BCL9L: variants seen among roughly 807,000 people sequenced by gnomAD.
BCL9L encodes the protein B-cell CLL/lymphoma 9-like protein.
BCL9L carries 19 observed loss-of-function variants against 99.4 expected under a neutral mutation model. The ratio of observed to expected loss-of-function variants is 0.19; its 90% CI spans 0.13 to 0.28. BCL9L has a LOEUF of 0.28. Among genes scored for constraint, BCL9L ranks in the 10% least tolerant of loss-of-function variants. The pLI, the probability that BCL9L is intolerant of heterozygous loss-of-function variation, is 1.00. For missense variants in BCL9L, 2,023 were observed against 2,101.6 expected, an observed-to-expected ratio of 0.96 and a Z score of 0.73; for synonymous variants, 900 against 854.8, an observed-to-expected ratio of 1.05 and a Z score of -0.92.
At chr11:118,912,501 C>G (rs1321984830) in intron 2 of BCL9L, among the ~76,000 whole-genome samples, 1 of 152,130 alleles carries the variant, frequency 6.6e-6, no homozygotes, top group African/African-American at 2.4e-5. Context: ...CCCCGAGTGA[C>G]GCGAGGGTAG....
Position 118,900,656 on chromosome 11 carries a change from G to A in BCL9L, c.3087C>T (p.Asn1029=), listed in dbSNP as rs1462964355. The A allele has an allele frequency of 6.2e-7, 1 of 1,612,784 alleles. No homozygotes were observed. Among genetic ancestry groups the A allele is most frequent in the Non-Finnish European group, 8.5e-7 (1 of 1,179,420 alleles). The change falls in exon 8 of 10, where the codon AAC becomes AAT. Residue 1029 remains asparagine (N), a synonymous_variant. Coordinates refer to ENST00000683865, the MANE Select transcript of BCL9L (RefSeq NM_001378213.1). The surrounding 1 kb of genome is among the most constrained non-coding windows in gnomAD (Gnocchi z 5.3). The part of the protein sequence containing the change: ...GVSQNKQPPL[N]MNSSTTLSNM... The stretch of plus-strand genomic sequence containing the variant: ...TGCTCAGGGTGGTGGAAGAGTTCAT[G>A]TTGAGAGGCGGCTGCTTGTTCTGGG...
At position 118,898,304 on chromosome 11, in the gene BCL9L, A is replaced by ACCCCCCCCCCCCCCCCC; in HGVS notation, c.*110_*111insGGGGGGGGGGGGGGGGG. On this transcript the variant is annotated 3_prime_UTR_variant, in exon 10 of 10. Transcript: ENST00000683865. ...CCACTCCCTACACAAGCCCCCTCCC[A>ACCCCCCCCCCCCCCCCC]CCCCCTCCACCCCACCCCGCGACCC... 2.1e-5 allele frequency: 4 copies of ACCCCCCCCCCCCCCCCC among 193,448 alleles called. No individual in the cohort carries two copies. Among genetic ancestry groups the ACCCCCCCCCCCCCCCCC allele is most frequent in the East Asian group, 1.7e-4 (1 of 5,918 alleles). The allele number at this position is 193,448 out of a possible 1,614,324, so 12.0% of individuals were successfully genotyped here.
In BCL9L at chr11:118,901,209, C is replaced by A; in HGVS notation, c.2534G>T (p.Gly845Val). 6.2e-7 allele frequency: 1 copy of A among 1,613,976 alleles called. No individual in the cohort carries two copies. Among genetic ancestry groups the A allele is most frequent in the Non-Finnish European group, 8.5e-7 (1 of 1,179,954 alleles). ...CTGGCCTCCAGAGAATCCCTGCTGGCCCTGGTTGGGAAACTGTGAAGGCAT... is the reference window on the plus strand; with the variant it reads ...CTGGCCTCCAGAGAATCCCTGCTGGACCTGGTTGGGAAACTGTGAAGGCAT... ...MLMPSQFPNQ[G>V]QQGFSGGQGP... The change falls in exon 8 of 10, where the codon GGC (glycine) becomes GTC (valine). Residue 845 changes from glycine to valine, a missense_variant. Gly to Val is a moderately radical substitution (Grantham distance 109). Around this residue, in one of 3 missense-constraint regions of BCL9L, gnomAD observed 1,116 missense variants for 1,194.6 expected, o/e 0.93. Transcript: ENST00000683865. This position sits in a 1 kb window ranked among gnomAD's most constrained non-coding sequence, Gnocchi z 6.6.
At chr11:118,911,172 C>T in intron 2 of BCL9L, 2 of 453,440 alleles carry the variant, frequency 4.4e-6, no homozygotes, top group South Asian at 3.1e-5. Context: ...GCCCCCAGCC[C>T]TGGCTCCCCC....
Position 118,902,108 on chromosome 11 carries a change from A to C in BCL9L, c.1635T>G (p.Pro545=), listed in dbSNP as rs1027525867. 6.2e-7 allele frequency: 1 copy of C among 1,613,950 alleles called. No individual in the cohort carries two copies. The highest frequency in any genetic ancestry group is 2.2e-5 in the East Asian group (1 of 44,844). ...EEQIGLHGSR[P]LQDMMGMGGM... ...CCCCCATGCCCATCATGTCCTGCAG[A>C]GGACGGCTCCCATGCAGCCCAATCT... is the stretch of plus-strand genomic sequence containing the variant. The change falls in exon 8 of 10, where the codon CCT becomes CCG. Residue 545 remains proline, a synonymous_variant. Transcript: ENST00000683865. This position sits in a 1 kb window ranked among gnomAD's most constrained non-coding sequence, Gnocchi z 7.8.
At chr11:118,917,249 A>G (rs920767552) in intron 2 of BCL9L, among the ~76,000 whole-genome samples, 1 of 152,112 alleles carries the variant, frequency 6.6e-6, no homozygotes, top group Non-Finnish European at 1.5e-5. Flanking sequence ...TCCCTGCTAA[A>G]ACCCCTGGGA....
chr11:118,920,904 C>T (rs1438404770), intron 1 of BCL9L, among the ~76,000 whole-genome samples: 2 of 152,168 alleles, frequency 1.3e-5, no homozygotes, highest in African/African-American at 4.8e-5. Flanking sequence ...GTGGGGAGAC[C>T]TGTGACTACA....
rs751333220 is a variant in BCL9L, at chr11:118,900,075, G to A, written c.3248C>T (p.Pro1083Leu). ...SSPDPTPSQN[P>L]LSLMMTQMSK... ...CATCTGGGTCATCATCAGTGACAGG[G>A]GGTTCTGGGAAGGTGTGGGGTCTGG... The change falls in exon 9 of 10, where the codon CCC becomes CTC. Residue 1083 changes from proline to leucine, a missense_variant. Physicochemically the swap from Pro to Leu is moderately conservative, Grantham distance 98. This residue lies in a region of BCL9L where 902 missense variants were observed against 888.2 expected (regional missense o/e 1.02). Coordinates refer to ENST00000683865, the MANE Select transcript of BCL9L (RefSeq NM_001378213.1). The surrounding 1 kb of genome is among the most constrained non-coding windows in gnomAD (Gnocchi z 5.3). 7 of 1,614,064 alleles carry A rather than the reference G, an allele frequency of 4.3e-6. No homozygotes were observed. The highest frequency in any genetic ancestry group is 1.1e-5 in the South Asian group (1 of 91,086).
At chr11:118,909,524 G>A (rs1406187541) in intron 3 of BCL9L, among the ~76,000 whole-genome samples, 1 of 152,214 alleles carries the variant, frequency 6.6e-6, no homozygotes, top group South Asian at 2.1e-4. Context: ...GGGGAGGGGG[G>A]AGGGAGGCAG....
Position 118,898,358 on chromosome 11 carries a change from TTTG to T in BCL9L, c.*54_*56del. On this transcript the variant is annotated 3_prime_UTR_variant, in exon 10 of 10. Coordinates refer to ENST00000683865, the MANE Select transcript of BCL9L (RefSeq NM_001378213.1). ...CCATCCCAACATTGAGGGGAAGAACTTTGTTAAGGTTATCGTATTTGCAACATT... is the reference window on the plus strand; with the variant it reads ...CCATCCCAACATTGAGGGGAAGAACTTTAAGGTTATCGTATTTGCAACATT... 1 of 1,258,248 alleles carries T rather than the reference TTTG, an allele frequency of 7.9e-7. No individual in the cohort carries two copies. Among genetic ancestry groups the T allele is most frequent in the South Asian group, 1.4e-5 (1 of 73,778 alleles). 77.9% of individuals were successfully genotyped at this position (1,258,248 alleles called of 1,614,324 possible). A position where few individuals can be genotyped will look rare whatever the true frequency, so the allele number is the denominator to read the frequency against.
At chr11:118,899,590 A>G in intron 9 of BCL9L, 82 bp from the exon 10 acceptor site, 2 of 1,525,594 alleles carry the variant, frequency 1.3e-6, no homozygotes, top group African/African-American at 1.4e-5. Flanking sequence ...CCCCACTCCC[A>G]AGCCAGGGGG....
Position 118,900,605 on chromosome 11 carries a change from C to A in BCL9L, c.3124+14G>T, listed in dbSNP as rs755598187. 2.1e-5 allele frequency: 34 copies of A among 1,587,252 alleles called. No homozygotes were observed. The highest frequency in any genetic ancestry group is 1.7e-4 in the South Asian group (15 of 88,408). On this transcript the variant is annotated intron_variant, in intron 8 of 9. Transcript: ENST00000683865. The surrounding 1 kb of genome is among the most constrained non-coding windows in gnomAD (Gnocchi z 5.3). ...GCCTGCCTGCCTGCCTGCCTGCCTG[C>A]GCAATTGACTCACCCTGTTCCATGT...
At chr11:118,907,000 TC>T (rs1940550010) in intron 5 of BCL9L, among the ~76,000 whole-genome samples, 2 of 152,192 alleles carry the variant, frequency 1.3e-5, no homozygotes, top group Admixed American at 6.5e-5. Context: ...TGGGCATCCC[TC>T]CACACCCACT....
chr11:118,924,836 T>G (rs1181084115), intron 1 of BCL9L, among the ~76,000 whole-genome samples: 1 of 152,198 alleles, frequency 6.6e-6, no homozygotes, highest in Admixed American at 6.5e-5. Flanking sequence ...CACCTCCTTC[T>G]GGAGGCTCCT....
rs752375817 is a variant in BCL9L, at chr11:118,901,138, T to C, written c.2605A>G (p.Met869Val). The change falls in exon 8 of 10, where the codon ATG becomes GTG. Residue 869 changes from methionine (M) to valine (V), a missense_variant. By Grantham distance (21) the Met-to-Val change is conservative (BLOSUM62 1). This residue lies in a region of BCL9L where 902 missense variants were observed against 888.2 expected (regional missense o/e 1.02). Coordinates refer to ENST00000683865, the MANE Select transcript of BCL9L (RefSeq NM_001378213.1). The surrounding 1 kb of genome is among the most constrained non-coding windows in gnomAD (Gnocchi z 6.6). ...ATTGAGCTCTGATCAGGGCTGAACA[T>C]GTCTTGGGTATTGCCCATGTCCTGG... ...MSQDMGNTQD[M>V]FSPDQSSMPM... The C allele has an allele frequency of 6.2e-7, 1 of 1,613,654 alleles. No individual in the cohort carries two copies. The highest frequency in any genetic ancestry group is 1.1e-5 in the South Asian group (1 of 91,058).
intron 1 of BCL9L, among the ~76,000 whole-genome samples, chr11:118,919,932 T>C (rs1179645512): frequency 1.3e-5 from 2 of 152,146 alleles, no homozygotes; most frequent in African/African-American, 4.8e-5. Flanking sequence ...AGCTGAAAAT[T>C]CCTTGCCCAG....
At chr11:118,911,183 C>G (rs1260903857) in intron 2 of BCL9L, 3 of 454,300 alleles carry the variant, frequency 6.6e-6, no homozygotes, top group African/African-American at 6.0e-5. Context: ...TGGCTCCCCC[C>G]TCGCCTCCCC....
At chr11:118,912,554 A>T (rs1253186806) in intron 2 of BCL9L, among the ~76,000 whole-genome samples, 2 of 152,128 alleles carry the variant, frequency 1.3e-5, no homozygotes, top group Non-Finnish European at 2.9e-5. Context: ...AGTGGACTTG[A>T]TCCTAGCTGG....
Position 118,903,190 on chromosome 11 carries a change from C to T in BCL9L, c.749+46G>A. On this transcript the variant is annotated intron_variant, in intron 6 of 9. Transcript: ENST00000683865. This position sits in a 1 kb window ranked among gnomAD's most constrained non-coding sequence, Gnocchi z 5.6. The stretch of plus-strand genomic sequence containing the variant: ...CCTCGGAACCCCAGGCTGAGAGGTG[C>T]TGGGCAGAGAGAGAGAGAGACTTGG... 3 of 1,458,360 alleles carry T rather than the reference C, an allele frequency of 2.1e-6. No individual in the cohort carries two copies. Among genetic ancestry groups the T allele is most frequent in the South Asian group, 2.4e-5 (2 of 84,726 alleles). The allele number at this position is 1,458,360 out of a possible 1,614,324, so 90.3% of individuals were successfully genotyped here. A position where few individuals can be genotyped will look rare whatever the true frequency, so the allele number is the denominator to read the frequency against.
Sources: allele counts gnomAD v4.1 joint callset (sites outside exome capture counted in the v4.1 genomes callset), GRCh38; gene constraint gnomAD v4.1.1; regional missense constraint gnomAD v4.1.1; non-coding constraint Gnocchi (gnomAD v3.1); transcripts MANE v1.5; gene names NCBI Gene and HGNC (gene_info 2026-07-23, HGNC 2026-07-21).